The following ENTREP2 variants were observed in gnomAD, a reference collection of about 807,000 sequenced individuals.
ENTREP2 encodes endosomal transmembrane epsin interactor 2.
the ENTREP2 span, among the ~76,000 whole-genome samples, chr15:29,636,268 G>A: frequency 1.3e-5 from 2 of 152,190 alleles, no homozygotes; most frequent in Non-Finnish European, 2.9e-5. Flanking sequence ...GTTTCCTCAC[G>A]TCGCAACTGT....
the ENTREP2 span, among the ~76,000 whole-genome samples, chr15:29,410,485 T>C: frequency 6.6e-6 from 1 of 151,676 alleles, no homozygotes; most frequent in Admixed American, 6.6e-5. Context: ...GAGGCAAGCC[T>C]GAAATGTGCT....
At chr15:29,205,682 T>C in the ENTREP2 span, among the ~76,000 whole-genome samples, 1 of 152,222 alleles carries the variant, frequency 6.6e-6, no homozygotes, top group Non-Finnish European at 1.5e-5. Flanking sequence ...GTGTTCTTGT[T>C]GAGCTGTAGG....
the ENTREP2 span, among the ~76,000 whole-genome samples, chr15:29,458,673 T>G: frequency 1.3e-5 from 2 of 152,216 alleles, no homozygotes; most frequent in African/African-American, 4.8e-5. Context: ...TCCAGCACCA[T>G]AATGTCAAAC....
chr15:29,157,363 T>C, the ENTREP2 span, among the ~76,000 whole-genome samples: 1 of 152,208 alleles, frequency 6.6e-6, no homozygotes, highest in Non-Finnish European at 1.5e-5. Flanking sequence ...TTCAGGGGCC[T>C]GGGGGCCTCC....
At chr15:29,482,277 T>C in the ENTREP2 span, among the ~76,000 whole-genome samples, 1 of 151,916 alleles carries the variant, frequency 6.6e-6, no homozygotes, top group Non-Finnish European at 1.5e-5. Flanking sequence ...CCCAAAGTGC[T>C]GAGATTACAG....
chr15:29,128,726 GAAA>G, the ENTREP2 span: 93 of 1,238,382 alleles, frequency 7.5e-5, no homozygotes, highest in Non-Finnish European at 8.2e-5. Flanking sequence ...GGACGAGGAC[GAAA>G]AAGAGACACC....
chr15:29,426,234 C>T, the ENTREP2 span, among the ~76,000 whole-genome samples: 1 of 152,098 alleles, frequency 6.6e-6, no homozygotes, highest in African/African-American at 2.4e-5. Flanking sequence ...CATACATGAG[C>T]TTAGAAATCT....
the ENTREP2 span, among the ~76,000 whole-genome samples, chr15:29,386,182 C>T: frequency 7.9e-5 from 12 of 152,298 alleles, no homozygotes; most frequent in African/African-American, 2.9e-4. Context: ...ACAGAAAGCC[C>T]TCTGTCCTTG....
At chr15:29,642,556 T>C in the ENTREP2 span, among the ~76,000 whole-genome samples, 463 of 146,056 alleles carry the variant, frequency 3.2e-3, 6 homozygotes, top group African/African-American at 9.7e-3. Flanking sequence ...TATATACACA[T>C]ATATATACTA....
At chr15:29,545,826 T>C in the ENTREP2 span, among the ~76,000 whole-genome samples, 1 of 152,208 alleles carries the variant, frequency 6.6e-6, no homozygotes, top group Non-Finnish European at 1.5e-5. Flanking sequence ...GGATAGGCAA[T>C]GGAAAACATC....
the ENTREP2 span, among the ~76,000 whole-genome samples, chr15:29,239,785 T>C: frequency 9.3e-4 from 142 of 152,308 alleles, 1 homozygote; most frequent in African/African-American, 3.3e-3. Flanking sequence ...ATGCTTGACG[T>C]GGCCAGCAAG....
chr15:29,158,509 G>A, the ENTREP2 span, among the ~76,000 whole-genome samples: 4 of 150,642 alleles, frequency 2.7e-5, no homozygotes, highest in Admixed American at 2.0e-4. Context: ...GGGTTCAAGG[G>A]ATTCTCCTGC....
chr15:29,382,795 G>A, the ENTREP2 span, among the ~76,000 whole-genome samples: 2 of 152,140 alleles, frequency 1.3e-5, no homozygotes, highest in East Asian at 3.9e-4. Flanking sequence ...TGATTTCCTG[G>A]TGTCCAGGAA....
At chr15:29,189,346 A>T in the ENTREP2 span, among the ~76,000 whole-genome samples, 6 of 151,914 alleles carry the variant, frequency 3.9e-5, no homozygotes, top group South Asian at 1.2e-3. Flanking sequence ...GGGGGAAATG[A>T]ATACATCTGG....
chr15:29,592,282 TAGGTCTAG>T, the ENTREP2 span, among the ~76,000 whole-genome samples: 1 of 152,310 alleles, frequency 6.6e-6, no homozygotes, highest in East Asian at 1.9e-4. Context: ...GAAATTCCTA[TAGGTCTAG>T]GTTCAGGGAA....
the ENTREP2 span, among the ~76,000 whole-genome samples, chr15:29,320,011 C>T: frequency 6.6e-6 from 1 of 152,184 alleles, no homozygotes; most frequent in South Asian, 2.1e-4. Context: ...ACAGAACCTT[C>T]TCCATAACAA....
chr15:29,633,197 A>C, the ENTREP2 span, among the ~76,000 whole-genome samples: 7 of 152,246 alleles, frequency 4.6e-5, no homozygotes, highest in African/African-American at 1.7e-4. Context: ...GGCACCACCA[A>C]CTGTCAGCCT....
the ENTREP2 span, among the ~76,000 whole-genome samples, chr15:29,488,749 C>A: frequency 6.6e-6 from 1 of 152,128 alleles, no homozygotes; most frequent in East Asian, 1.9e-4. Context: ...ACCAGGGGAC[C>A]AGAAGGCAAT....
At chr15:29,541,046 G>A in the ENTREP2 span, among the ~76,000 whole-genome samples, 6 of 152,316 alleles carry the variant, frequency 3.9e-5, no homozygotes, top group East Asian at 7.7e-4. Flanking sequence ...CAGAGCCAGA[G>A]CAGTTCTTTG....
Sources: allele counts gnomAD v4.1 joint callset (sites outside exome capture counted in the v4.1 genomes callset), GRCh38; gene constraint gnomAD v4.1.1; transcripts MANE v1.5; gene names NCBI Gene and HGNC (gene_info 2026-07-23, HGNC 2026-07-21).